ZNF704: variants seen among roughly 807,000 people sequenced by gnomAD.
ZNF704 encodes glucocorticoid induced gene 1.
A neutral mutation model predicts 44.7 loss-of-function variants in ZNF704; 10 were observed. The ratio of observed to expected loss-of-function variants is 0.22; its 90% CI spans 0.14 to 0.38. ZNF704 has a LOEUF of 0.38. Among genes scored for constraint, ZNF704 ranks in the 10% least tolerant of loss-of-function variants. The pLI, the probability that ZNF704 is intolerant of heterozygous loss-of-function variation, is 1.00. For synonymous variants in ZNF704, 211 were observed against 207.6 expected, an observed-to-expected ratio of 1.02 and a Z score of -0.14; for missense variants, 390 against 545.5, an observed-to-expected ratio of 0.71 and a Z score of 2.84.
At chr8:80,766,222 C>T (rs994739240) in intron 2 of ZNF704, among the ~76,000 whole-genome samples, 7 of 152,004 alleles carry the variant, frequency 4.6e-5, no homozygotes, top group African/African-American at 1.7e-4. Flanking sequence ...CAACAGGCAC[C>T]CTTCTCCAAT....
chr8:80,665,437 C>T (rs1818174742), intron 5 of ZNF704, among the ~76,000 whole-genome samples: 1 of 152,000 alleles, frequency 6.6e-6, no homozygotes, highest in East Asian at 1.9e-4. Context: ...GACAAGAAAC[C>T]CCTAAAGAAA....
chr8:80,860,047 G>C (rs907079997), intron 1 of ZNF704, among the ~76,000 whole-genome samples: 118 of 152,190 alleles, frequency 7.8e-4, no homozygotes, highest in African/African-American at 2.8e-3. Flanking sequence ...AAACAAGATT[G>C]TAAGAACGAA....
the ZNF704 span, among the ~76,000 whole-genome samples, chr8:80,883,074 CAAAAAAAA>C: frequency 1.6e-4 from 7 of 43,212 alleles, no homozygotes; most frequent in Admixed American, 2.4e-4. Context: ...CCTGTCTCTA[CAAAAAAAA>C]AAAAAAAAAA....
chr8:80,767,925 G>A (rs190429834), intron 2 of ZNF704, among the ~76,000 whole-genome samples: 1 of 152,126 alleles, frequency 6.6e-6, no homozygotes, highest in East Asian at 1.9e-4. Flanking sequence ...AGTTTTAGAA[G>A]AAACTAAACA....
intron 2 of ZNF704, among the ~76,000 whole-genome samples, chr8:80,819,436 GTCTT>G (rs1407141191): frequency 6.6e-6 from 1 of 151,742 alleles, no homozygotes; most frequent in Non-Finnish European, 1.5e-5. Context: ...TTAATTCCAG[GTCTT>G]TTAACATATA....
chr8:80,785,901 G>A (rs1249653269), intron 2 of ZNF704, among the ~76,000 whole-genome samples: 1 of 152,148 alleles, frequency 6.6e-6, no homozygotes, highest in African/African-American at 2.4e-5. Flanking sequence ...CATCTTGGCT[G>A]ATGCAAGAAA....
intron 2 of ZNF704, among the ~76,000 whole-genome samples, chr8:80,746,788 G>A (rs577114122): frequency 1.2e-4 from 18 of 152,170 alleles, no homozygotes; most frequent in Non-Finnish European, 1.9e-4. Flanking sequence ...TCAGGAGTGA[G>A]TCAAAGAAGG....
intron 2 of ZNF704, among the ~76,000 whole-genome samples, chr8:80,774,039 A>G (rs1400345812): frequency 6.9e-6 from 1 of 145,798 alleles, no homozygotes; most frequent in African/African-American, 2.6e-5. Flanking sequence ...TCTGAATGTT[A>G]TTTAAATCTT....
intron 2 of ZNF704, among the ~76,000 whole-genome samples, chr8:80,771,722 A>T (rs1586015830): frequency 6.6e-6 from 1 of 152,146 alleles, no homozygotes; most frequent in East Asian, 1.9e-4. Flanking sequence ...GCACTGGCTA[A>T]AACTTCCAGC....
At chr8:80,791,547 C>T (rs1807708665) in intron 2 of ZNF704, among the ~76,000 whole-genome samples, 1 of 152,212 alleles carries the variant, frequency 6.6e-6, no homozygotes, top group African/African-American at 2.4e-5. Context: ...GAACCACAGT[C>T]TTAATAGCAG....
chr8:80,680,364 T>A (rs1474734823), intron 4 of ZNF704, among the ~76,000 whole-genome samples: 2 of 117,010 alleles, frequency 1.7e-5, no homozygotes, highest in African/African-American at 6.4e-5. Context: ...TCTTCAGGTA[T>A]TTTTTTTTTT....
chr8:80,769,500 C>T (rs1367335824), intron 2 of ZNF704, among the ~76,000 whole-genome samples: 1 of 152,046 alleles, frequency 6.6e-6, no homozygotes, highest in Non-Finnish European at 1.5e-5. Flanking sequence ...TTTCTTCCTC[C>T]AGATACCCTA....
chr8:80,684,193 A>G (rs1005446100), intron 4 of ZNF704, among the ~76,000 whole-genome samples: 2 of 152,196 alleles, frequency 1.3e-5, no homozygotes, highest in Non-Finnish European at 2.9e-5. Flanking sequence ...TTGATTTCCA[A>G]TCAGGACATC....
In ZNF704 at chr8:80,766,121, T is replaced by C. The variant is rs150137718; in HGVS notation, c.221+55253A>G. ...CTACTTCTTCTATTAATAATACCAG[T>C]TATATTATTCTAGTGGGTCTTTATC... On this transcript the variant is annotated intron_variant, in intron 2 of 8. Transcript: ENST00000327835. 5.4e-3 allele frequency among the ~76,000 whole-genome samples: 825 copies of C among 152,294 alleles called. 12 individuals are homozygous for C. The highest frequency in any genetic ancestry group is 0.025 in the South Asian group (121 of 4,826).
chr8:80,872,476 T>G (rs1053491627), intron 1 of ZNF704, among the ~76,000 whole-genome samples: 2 of 152,230 alleles, frequency 1.3e-5, no homozygotes, highest in African/African-American at 4.8e-5. Flanking sequence ...CTCTAACTAT[T>G]AAGCTCAGCT....
chr8:80,803,537 A>G (rs1807936862), intron 2 of ZNF704, among the ~76,000 whole-genome samples: 1 of 152,194 alleles, frequency 6.6e-6, no homozygotes, highest in Admixed American at 6.5e-5. Flanking sequence ...CTGCACACCT[A>G]CAACCATCTG....
chr8:80,719,574 T>G (rs1182459243), intron 2 of ZNF704, among the ~76,000 whole-genome samples: 1 of 152,210 alleles, frequency 6.6e-6, no homozygotes, highest in Non-Finnish European at 1.5e-5. Flanking sequence ...GCTGCTACTC[T>G]ATTGTAAGCA....
rs1209826946 is a variant in ZNF704, at chr8:80,630,287, T to C, written c.*11079A>G. 6.6e-6 allele frequency: 1 copy of C among 152,254 alleles called. No individual in the cohort carries two copies. The highest frequency in any genetic ancestry group is 2.1e-4 in the South Asian group (1 of 4,832). 9.4% of individuals were successfully genotyped at this position (152,254 alleles called of 1,614,324 possible). ...TTATATTTCAAAAGATCTCTAAACA[T>C]TGGACAGCATTGCCACCTAGCTTTT... is the stretch of plus-strand genomic sequence containing the variant. On this transcript the variant is annotated 3_prime_UTR_variant, in exon 9 of 9. Coordinates refer to ENST00000327835, the MANE Select transcript of ZNF704 (RefSeq NM_001033723.3).
chr8:80,867,085 A>G (rs1344722551), intron 1 of ZNF704, among the ~76,000 whole-genome samples: 1 of 152,210 alleles, frequency 6.6e-6, no homozygotes, highest in East Asian at 1.9e-4. Context: ...CTTCTAGGCA[A>G]GTTTACTATC....
Sources: gnomAD v4.1 joint callset for allele counts (sites outside exome capture counted in the v4.1 genomes callset) on GRCh38, gnomAD v4.1.1 for gene constraint, MANE v1.5 for transcripts, NCBI Gene and HGNC (gene_info 2026-07-23, HGNC 2026-07-21) for gene names.